The following NPC1L1 variants were observed in gnomAD, a reference collection of about 807,000 sequenced individuals.
NPC1L1 encodes the protein NPC1-like intracellular cholesterol transporter 1.
A neutral mutation model predicts 117.0 loss-of-function variants in NPC1L1; 98 were observed. The observed-to-expected ratio is 0.84, with a 90% confidence interval of 0.71 to 0.99. The LOEUF (loss-of-function observed/expected upper bound fraction) is 0.99. NPC1L1 is among the 50% of genes least tolerant of loss of function. The pLI is 0.00. For missense variants in NPC1L1, 1,540 were observed against 1,710.0 expected, an observed-to-expected ratio of 0.90 and a Z score of 1.75; for synonymous variants, 729 against 727.6, an observed-to-expected ratio of 1.00 and a Z score of -0.03.
chr7:44,530,440 A>G (rs963776650), intron 10 of NPC1L1, among the ~76,000 whole-genome samples: 2 of 152,198 alleles, frequency 1.3e-5, no homozygotes, highest in Admixed American at 6.6e-5. Flanking sequence ...TGCAAAAAGG[A>G]AAGAGTTTTG....
Position 44,516,950 on chromosome 7 carries a change from G to T in NPC1L1, c.3288-16C>A, listed in dbSNP as rs757763983. The T allele has an allele frequency of 1.2e-6, 2 of 1,607,914 alleles. No individual in the cohort carries two copies. Among genetic ancestry groups the T allele is most frequent in the African/African-American group, 1.3e-5 (1 of 74,880 alleles). ...ATTGGTGATCCTGCCAGAGCACAGAGCATGGTCACAGGCTCAGGCCTCTGG... is the reference window on the plus strand; with the variant it reads ...ATTGGTGATCCTGCCAGAGCACAGATCATGGTCACAGGCTCAGGCCTCTGG... On this transcript the variant is annotated splice_polypyrimidine_tract_variant and intron_variant, in intron 15 of 18. Transcript: ENST00000381160.
intron 14 of NPC1L1, among the ~76,000 whole-genome samples, chr7:44,518,976 T>C (rs189901299): frequency 4.6e-5 from 7 of 152,026 alleles, no homozygotes; most frequent in African/African-American, 1.7e-4. Flanking sequence ...TCCTTCCTTC[T>C]TTCTTTCTTT....
intron 6 of NPC1L1, 76 bp from the exon 7 acceptor site, chr7:44,533,929 A>G (rs1801783374): frequency 2.4e-6 from 3 of 1,252,056 alleles, no homozygotes; most frequent in Middle Eastern, 5.1e-4. Context: ...GGGAGTTGGC[A>G]AGTGCCCAGA....
chr7:44,533,060 C>T (rs1236057791), intron 8 of NPC1L1, among the ~76,000 whole-genome samples: 1 of 151,892 alleles, frequency 6.6e-6, no homozygotes, highest in East Asian at 1.9e-4. Context: ...GAGCTGATAT[C>T]ACGCCATTGC....
chr7:44,528,733 A>G (rs1563206031), intron 10 of NPC1L1, among the ~76,000 whole-genome samples: 1 of 152,218 alleles, frequency 6.6e-6, no homozygotes, highest in Non-Finnish European at 1.5e-5. Flanking sequence ...CTCCTTATCA[A>G]TAATTACTGT....
intron 14 of NPC1L1, chr7:44,518,470 C>G (rs1004927866): frequency 4.4e-6 from 1 of 228,668 alleles, no homozygotes; most frequent in Non-Finnish European, 9.2e-6. Context: ...GCACCTGGCC[C>G]AAAAAGGTTG....
chr7:44,536,559 C>G lies in NPC1L1; in HGVS notation c.1682-131G>C, dbSNP rs1801901409. The G allele has an allele frequency of 9.7e-7, 1 of 1,030,340 alleles. No individual in the cohort carries two copies. Among genetic ancestry groups the G allele is most frequent in the South Asian group, 1.3e-5 (1 of 75,104 alleles). 63.8% of individuals were successfully genotyped at this position (1,030,340 alleles called of 1,614,324 possible). A position where few individuals can be genotyped will look rare whatever the true frequency, so the allele number is the denominator to read the frequency against. ...ACCCCTTGCTCCTTCTCCCCCACTC[C>G]TTCCTCATCTGATACATGGCCTTAC... On this transcript the variant is annotated intron_variant, in intron 3 of 18. Transcript: ENST00000381160. The surrounding 1 kb of genome is among the most constrained non-coding windows in gnomAD (Gnocchi z 4.7).
At chr7:44,527,211 CA>C (rs1563205431) in intron 10 of NPC1L1, among the ~76,000 whole-genome samples, 1 of 151,730 alleles carries the variant, frequency 6.6e-6, no homozygotes, top group Non-Finnish European at 1.5e-5. Context: ...GTAATCCCAG[CA>C]CTTTGGGAGG....
Position 44,536,318 on chromosome 7 carries a change from C to T in NPC1L1, c.1792G>A (p.Glu598Lys). The T allele has an allele frequency of 6.2e-7, 1 of 1,614,252 alleles. No individual in the cohort carries two copies. The highest frequency in any genetic ancestry group is 8.5e-7 in the Non-Finnish European group (1 of 1,180,046). ...QAKLWEEAFL[E>K]EMRAFQRRMA... ...CGACGCTGGAAGGCTCGCATTTCCTCTAAGAAGGCCTCCTCCCACAGCTTG... is the reference window on the plus strand; with the variant it reads ...CGACGCTGGAAGGCTCGCATTTCCTTTAAGAAGGCCTCCTCCCACAGCTTG... The change falls in exon 4 of 19, where the codon GAG becomes AAG. Residue 598 changes from glutamate to lysine, a missense_variant. Transcript: ENST00000381160. This position sits in a 1 kb window ranked among gnomAD's most constrained non-coding sequence, Gnocchi z 4.7.
rs759762079 is a variant in NPC1L1, at chr7:44,534,537, G to C, written c.2076C>G (p.Ile692Met). 6.2e-6 allele frequency: 10 copies of C among 1,614,058 alleles called. No homozygotes were observed. In the South Asian group the frequency reaches 1.1e-4, roughly 18 times the overall value. ...CTTGCAGGATGACCAGGGAGGAGCG[G>C]ATACCCAAGTAGGAGAAGAAGCCCA... Reference protein sequence around the residue: ...AAMGFFSYLGIRSSLVILQVV... With the variant: ...AAMGFFSYLGMRSSLVILQVV... Residue 692 changes from isoleucine to methionine, a missense_variant, in exon 6 of 19, where the codon ATC becomes ATG. Ile to Met is a conservative substitution (Grantham distance 10). Transcript: ENST00000381160. The surrounding 1 kb of genome is among the most constrained non-coding windows in gnomAD (Gnocchi z 5.2).
rs760132876 is a variant in NPC1L1 at position 44,538,979 on chromosome 7, G to GC, written c.1417dup (p.Ala473GlyfsTer73). On this transcript the variant is annotated frameshift_variant, in exon 2 of 19. Transcript: ENST00000381160. LOFTEE classifies it high-confidence loss of function. The surrounding 1 kb of genome is among the most constrained non-coding windows in gnomAD (Gnocchi z 5.9). ...ACTGGTATTGTCCGGATTGAGGGGG[G>GC]CGTAGCAGATGTCCTGCAGGGAGAT... 1.9e-6 allele frequency: 3 copies of GC among 1,614,222 alleles called. No individual in the cohort carries two copies. Among genetic ancestry groups the GC allele is most frequent in the Non-Finnish European group, 1.7e-6 (2 of 1,180,040 alleles).
chr7:44,520,807 A>G lies in NPC1L1; in HGVS notation c.3094T>C (p.Tyr1032His), dbSNP rs766863645. 4 of 1,614,122 alleles carry G rather than the reference A, an allele frequency of 2.5e-6. No individual in the cohort carries two copies. In the East Asian group the frequency reaches 8.9e-5, roughly 36 times the overall value. Residue 1032 changes from tyrosine (Y) to histidine (H), a missense_variant, in exon 14 of 19, where the codon TAC (tyrosine) becomes CAC (histidine). This residue lies in a region of NPC1L1 where 742 missense variants were observed against 873.6 expected (regional missense o/e 0.85). Coordinates refer to ENST00000381160, the MANE Select transcript of NPC1L1 (RefSeq NM_001101648.2). Reference protein sequence around the residue: ...IKCPKGGLAAYSTSVNLTSDG... With the variant: ...IKCPKGGLAAHSTSVNLTSDG... Reference sequence around the variant, plus strand: ...GAAGTCAAGTTCACAGAGGTGCTGTATGCTGCCAGGCCGCTGCAAGAAGGT... The same window carrying G: ...GAAGTCAAGTTCACAGAGGTGCTGTGTGCTGCCAGGCCGCTGCAAGAAGGT...
At chr7:44,525,188 A>G (rs914551407) in intron 10 of NPC1L1, among the ~76,000 whole-genome samples, 14 of 152,216 alleles carry the variant, frequency 9.2e-5, no homozygotes, top group Non-Finnish European at 2.9e-5. Context: ...GATGAAAGAC[A>G]TGAATATAAA....
At chr7:44,526,481 G>C (rs938654174) in intron 10 of NPC1L1, among the ~76,000 whole-genome samples, 1 of 146,136 alleles carries the variant, frequency 6.8e-6, no homozygotes, top group African/African-American at 2.6e-5. Flanking sequence ...CCTGGGAGGT[G>C]GAGGTTGCAG....
At position 44,533,558 on chromosome 7, in the gene NPC1L1, C is replaced by G; in HGVS notation, c.2282G>C (p.Gly761Ala). The change falls in exon 8 of 19, where the codon GGG (glycine) becomes GCG (alanine). Residue 761 changes from glycine (G) to alanine (A), a missense_variant and splice_region_variant. Physicochemically the swap from Gly to Ala is moderately conservative, Grantham distance 60. This residue lies in a region of NPC1L1 where 742 missense variants were observed against 873.6 expected (regional missense o/e 0.85). Coordinates refer to ENST00000381160, the MANE Select transcript of NPC1L1 (RefSeq NM_001101648.2). ...CACAGCTGGCATGGGGGTCAGGGCC[C>G]CTGTGAGGGAGCAGAGGGCTGTCAG... ...SLSEAICFFL[G>A]ALTPMPAVRT... is the part of the protein sequence containing the mutation. 6.2e-7 allele frequency: 1 copy of G among 1,614,140 alleles called. No homozygotes were observed. Among genetic ancestry groups the G allele is most frequent in the Non-Finnish European group, 8.5e-7 (1 of 1,180,014 alleles).
rs913972414 is a variant in NPC1L1, at chr7:44,534,414, A to G, written c.2166+33T>C. 6.2e-7 allele frequency: 1 copy of G among 1,610,916 alleles called. No homozygotes were observed. Among genetic ancestry groups the G allele is most frequent in the Non-Finnish European group, 8.5e-7 (1 of 1,177,120 alleles). On this transcript the variant is annotated intron_variant, in intron 6 of 18. Transcript: ENST00000381160. This position sits in a 1 kb window ranked among gnomAD's most constrained non-coding sequence, Gnocchi z 5.2. ...AGGTGAGGTTGGGAGAAGAGTGGGC[A>G]GTTGGGGGTGTGGAGAGCTCCTCCC...
rs569373716 is a variant in NPC1L1, at chr7:44,539,358, A to G, written c.1039T>C (p.Trp347Arg). 3 of 1,613,378 alleles carry G rather than the reference A, an allele frequency of 1.9e-6. No homozygotes were observed. The South Asian group carries it at 3.3e-5, about 18-fold the overall frequency. Reference protein sequence around the residue: ...LGQFFQGWGTWVASWPLTILV... With the variant: ...LGQFFQGWGTRVASWPLTILV... ...ATGGTCAGAGGCCACGAAGCCACCCACGTGCCCCAGCCCTGGAAGAACTGG... is the reference window on the plus strand; with the variant it reads ...ATGGTCAGAGGCCACGAAGCCACCCGCGTGCCCCAGCCCTGGAAGAACTGG... Residue 347 changes from tryptophan to arginine, a missense_variant, in exon 2 of 19, where the codon TGG (tryptophan) becomes CGG (arginine). By Grantham distance (101) the Trp-to-Arg change is moderately radical. Coordinates refer to ENST00000381160, the MANE Select transcript of NPC1L1 (RefSeq NM_001101648.2). This position sits in a 1 kb window ranked among gnomAD's most constrained non-coding sequence, Gnocchi z 4.4.
chr7:44,522,564 A>G (rs1222520592), intron 10 of NPC1L1, among the ~76,000 whole-genome samples: 1 of 152,218 alleles, frequency 6.6e-6, no homozygotes, highest in African/African-American at 2.4e-5. Flanking sequence ...GTACATATAG[A>G]GAAGGACATG....
chr7:44,540,479 G>C (rs1181846727), intron 1 of NPC1L1, 137 bp from the exon 2 acceptor site: 5 of 777,332 alleles, frequency 6.4e-6, no homozygotes, highest in Non-Finnish European at 1.1e-5. Context: ...GGAGTAGGAA[G>C]CCTCCTGGAG....
Sources: allele counts gnomAD v4.1 joint callset (sites outside exome capture counted in the v4.1 genomes callset), GRCh38; gene constraint gnomAD v4.1.1; regional missense constraint gnomAD v4.1.1; non-coding constraint Gnocchi (gnomAD v3.1); transcripts MANE v1.5; gene names NCBI Gene and HGNC (gene_info 2026-07-23, HGNC 2026-07-21).